The following AOPEP variants were observed in gnomAD, a reference collection of about 807,000 sequenced individuals.
The protein encoded by AOPEP is aminopeptidase O.
AOPEP carries 77 observed loss-of-function variants against 98.1 expected under a neutral mutation model. The ratio of observed to expected loss-of-function variants is 0.78; its 90% confidence interval spans 0.65 to 0.95. AOPEP has a LOEUF of 0.95. Ranked by LOEUF, AOPEP falls within the 40% of genes least tolerant of loss-of-function variation. The pLI, the probability that AOPEP is intolerant of heterozygous loss-of-function variation, is 0.00. For missense variants in AOPEP, 1,024 were observed against 1,024.7 expected (o/e 1.00, Z 0.01); for synonymous variants, 346 against 365.3 (o/e 0.95, Z 0.60).
At chr9:94,966,929 G>T (rs971332697) in intron 9 of AOPEP, among the ~76,000 whole-genome samples, 18 of 152,092 alleles carry the variant, frequency 1.2e-4, no homozygotes, top group African/African-American at 4.3e-4. Context: ...TTATGCTTTT[G>T]TGGTATGTTT....
At chr9:95,102,103 G>A in the AOPEP span, among the ~76,000 whole-genome samples, 4 of 152,340 alleles carry the variant, frequency 2.6e-5, no homozygotes, top group African/African-American at 9.6e-5. Context: ...GCTGCCAACA[G>A]CCTTAGACTC....
At chr9:95,138,015 A>G in the AOPEP span, among the ~76,000 whole-genome samples, 3,497 of 152,358 alleles carry the variant, frequency 0.023, 135 homozygotes, top group African/African-American at 0.08. Context: ...TGCTCCTGAA[A>G]GGCTGCCAAC....
chr9:94,939,610 A>C (rs2056766000), intron 7 of AOPEP, among the ~76,000 whole-genome samples: 1 of 152,236 alleles, frequency 6.6e-6, no homozygotes, highest in Non-Finnish European at 1.5e-5. Context: ...CTTCCTGGGC[A>C]ACAACATGAC....
At chr9:94,753,826 A>G (rs1447451647) in intron 1 of AOPEP, among the ~76,000 whole-genome samples, 2 of 152,236 alleles carry the variant, frequency 1.3e-5, no homozygotes, top group African/African-American at 4.8e-5. Context: ...ACATCAGGCA[A>G]AACGGAATTT....
intron 5 of AOPEP, among the ~76,000 whole-genome samples, chr9:94,807,700 A>G (rs1212403661): frequency 6.6e-6 from 1 of 152,252 alleles, no homozygotes; most frequent in Non-Finnish European, 1.5e-5. Context: ...CTAACTTGGG[A>G]TATTCCCAAT....
intron 9 of AOPEP, among the ~76,000 whole-genome samples, chr9:94,963,811 G>A (rs1324200813): frequency 6.6e-6 from 1 of 152,182 alleles, no homozygotes; most frequent in African/African-American, 2.4e-5. Context: ...GAAGACAGAC[G>A]AAAGAATTGA....
intron 5 of AOPEP, among the ~76,000 whole-genome samples, chr9:94,896,819 C>A (rs779825124): frequency 4.6e-5 from 7 of 151,190 alleles, no homozygotes; most frequent in Non-Finnish European, 8.8e-5. Flanking sequence ...CTAAGGAATT[C>A]GGAGTGAACT....
At chr9:94,767,233 C>G (rs1839827797) in intron 2 of AOPEP, among the ~76,000 whole-genome samples, 1 of 152,148 alleles carries the variant, frequency 6.6e-6, no homozygotes, top group Non-Finnish European at 1.5e-5. Context: ...GAGTCGGAAT[C>G]ATGAGTGAAA....
At chr9:95,028,238 C>A (rs2064001876) in intron 13 of AOPEP, among the ~76,000 whole-genome samples, 1 of 152,220 alleles carries the variant, frequency 6.6e-6, no homozygotes, top group African/African-American at 2.4e-5. Flanking sequence ...ATTATTTTGG[C>A]CTCCAGAGGC....
chr9:95,103,476 GA>G, the AOPEP span, among the ~76,000 whole-genome samples: 4 of 152,194 alleles, frequency 2.6e-5, no homozygotes, highest in Admixed American at 6.5e-5. Flanking sequence ...AGGAGAAGGA[GA>G]AGTGTGAATC....
At chr9:94,788,393 G>C (rs1371086250) in intron 3 of AOPEP, among the ~76,000 whole-genome samples, 1 of 151,828 alleles carries the variant, frequency 6.6e-6, no homozygotes, top group African/African-American at 2.4e-5. Flanking sequence ...ATATTTTTGT[G>C]TGTTATTAAG....
intron 5 of AOPEP, among the ~76,000 whole-genome samples, chr9:94,839,252 A>G (rs570710590): frequency 6.6e-6 from 1 of 151,966 alleles, no homozygotes; most frequent in South Asian, 2.1e-4. Context: ...CACCCGGCTA[A>G]TTTTTTGTAT....
chr9:94,915,530 G>A (rs913403644), intron 5 of AOPEP, among the ~76,000 whole-genome samples: 3 of 151,422 alleles, frequency 2.0e-5, no homozygotes, highest in African/African-American at 4.9e-5. Context: ...CCTCCACCCC[G>A]ACGTCCTGCT....
In AOPEP at chr9:95,005,115, G is replaced by A. The variant is rs761726148; in HGVS notation, c.1978-43G>A. 130 of 1,038,452 alleles carry A rather than the reference G, an allele frequency of 1.3e-4. 1 individual carries two copies. The South Asian group carries it at 4.8e-3, about 38-fold the overall frequency. 64.3% of individuals were successfully genotyped at this position (1,038,452 alleles called of 1,614,324 possible). A position where few individuals can be genotyped will look rare whatever the true frequency, so the allele number is the denominator to read the frequency against. On this transcript the variant is annotated intron_variant, in intron 11 of 16. Coordinates refer to ENST00000375315, the MANE Select transcript of AOPEP (RefSeq NM_001193329.3). ...GCGGGCGCGGGGCAGGGAGGCCGGG[G>A]CCGCTCCCGCGGTAAACTTGACTGT...
At chr9:94,776,494 G>A (rs138964741) in intron 3 of AOPEP, among the ~76,000 whole-genome samples, 1,733 of 152,252 alleles carry the variant, frequency 0.011, 34 homozygotes, top group African/African-American at 0.039. Flanking sequence ...TAGAGATGGG[G>A]TTTCACTGTG....
At chr9:94,939,520 G>T (rs2056754378) in intron 7 of AOPEP, among the ~76,000 whole-genome samples, 1 of 151,986 alleles carries the variant, frequency 6.6e-6, no homozygotes, top group Non-Finnish European at 1.5e-5. Flanking sequence ...TGGTAGGATG[G>T]GGTTTATGAG....
intron 13 of AOPEP, chr9:95,022,373 C>T (rs2063516952): frequency 6.6e-6 from 1 of 152,110 alleles, no homozygotes; most frequent in Non-Finnish European, 1.5e-5. Flanking sequence ...GATGGGGTCT[C>T]TGTCGCCAGG....
chr9:95,128,190 G>A, the AOPEP span, among the ~76,000 whole-genome samples: 3 of 152,028 alleles, frequency 2.0e-5, no homozygotes, highest in East Asian at 1.9e-4. Flanking sequence ...ATATAAGCAC[G>A]GAAAATATAA....
chr9:94,945,780 C>T (rs929160929), intron 7 of AOPEP, among the ~76,000 whole-genome samples: 7 of 152,130 alleles, frequency 4.6e-5, no homozygotes, highest in African/African-American at 1.7e-4. Flanking sequence ...TAAAATGAAG[C>T]CAATGTTTGT....
Sources: gnomAD v4.1 joint callset for allele counts (sites outside exome capture counted in the v4.1 genomes callset) on GRCh38, gnomAD v4.1.1 for gene constraint, MANE v1.5 for transcripts, NCBI Gene and HGNC (gene_info 2026-07-23, HGNC 2026-07-21) for gene names.